ABCA9: variants seen among roughly 807,000 people sequenced by gnomAD.
ABCA9 encodes the protein ATP-binding cassette sub-family A member 9.
Under a neutral mutation model 205.3 loss-of-function variants are expected in ABCA9, and 183 were observed. The ratio of observed to expected loss-of-function variants is 0.89; its 90% confidence interval spans 0.79 to 1.01. The LOEUF is 1.01. ABCA9 is among the 50% of genes least tolerant of loss of function. The pLI is 0.00. For missense variants in ABCA9, 1,805 were observed against 1,912.4 expected, an observed-to-expected ratio of 0.94 and a Z score of 1.05; for synonymous variants, 651 against 683.3, an observed-to-expected ratio of 0.95 and a Z score of 0.74.
chr17:69,063,970 T>C (rs559907274), upstream of ABCA9, among the ~76,000 whole-genome samples: 7 of 152,378 alleles, frequency 4.6e-5, no homozygotes, highest in South Asian at 1.0e-3. Context: ...TGCCCTCCAC[T>C]TTCATTTGCA....
intron 30 of ABCA9, 42 bp from the exon 31 acceptor site, chr17:68,989,160 A>C (rs1489066147): frequency 1.3e-5 from 17 of 1,314,232 alleles, no homozygotes; most frequent in Non-Finnish European, 1.6e-5. Context: ...AAATAATTGC[A>C]ACAAAAATAA....
chr17:69,077,269 A>C, the ABCA9 span, among the ~76,000 whole-genome samples: 3 of 152,146 alleles, frequency 2.0e-5, no homozygotes, highest in African/African-American at 7.2e-5. Flanking sequence ...CATCATACCC[A>C]AAAGTCATTC....
At chr17:69,048,301 G>A (rs1329949521) in intron 3 of ABCA9, among the ~76,000 whole-genome samples, 1 of 152,176 alleles carries the variant, frequency 6.6e-6, no homozygotes, top group Non-Finnish European at 1.5e-5. Context: ...GGCTCAAAAG[G>A]CTTCAGATTT....
chr17:68,977,349 T>A (rs532461769), intron 37 of ABCA9, among the ~76,000 whole-genome samples: 8 of 152,150 alleles, frequency 5.3e-5, no homozygotes, highest in African/African-American at 1.9e-4. Context: ...GGCCAGCAAT[T>A]CTTCATTTCT....
intron 16 of ABCA9, among the ~76,000 whole-genome samples, chr17:69,025,503 G>A (rs1381887169): frequency 6.6e-6 from 1 of 152,108 alleles, no homozygotes; most frequent in African/African-American, 2.4e-5. Flanking sequence ...CATAGCTAGA[G>A]AATAGTGAGT....
At chr17:68,989,256 TCACACA>T (rs71293542) in intron 30 of ABCA9, 138 bp from the exon 31 acceptor site, 12,248 of 242,712 alleles carry the variant, frequency 0.05, 654 homozygotes, top group African/African-American at 0.17. Flanking sequence ...TCTCTCTCTC[TCACACA>T]CACACACACA....
Position 69,007,753 on chromosome 17 carries a change from AC to A in ABCA9, c.3435+5del. On this transcript the variant is annotated splice_donor_5th_base_variant and intron_variant, in intron 25 of 38. Transcript: ENST00000340001. ...GTAAAATAATAGGTAGTATATGCAT[AC>A]TCACAATTAAGAAGAAAAATGACCA... 6.6e-7 allele frequency: 1 copy of A among 1,511,174 alleles called. No individual in the cohort carries two copies. The highest frequency in any genetic ancestry group is 1.7e-4 in the Middle Eastern group (1 of 5,768). 93.6% of individuals were successfully genotyped at this position (1,511,174 alleles called of 1,614,324 possible). A position where few individuals can be genotyped will look rare whatever the true frequency, so the allele number is the denominator to read the frequency against.
intron 23 of ABCA9, among the ~76,000 whole-genome samples, chr17:69,010,395 A>G (rs922101611): frequency 1.3e-5 from 2 of 152,124 alleles, no homozygotes; most frequent in Non-Finnish European, 2.9e-5. Flanking sequence ...GAAATGGCCA[A>G]TGTAAAGGCC....
chr17:68,982,739 C>A lies in ABCA9; in HGVS notation c.4641-98G>T. ...GGGAAACAAGGCTAGGCATGGTGGC[C>A]CATGCCTGTAACCACTGCAATTTGG... is the stretch of plus-strand genomic sequence containing the variant. On this transcript the variant is annotated intron_variant, in intron 36 of 38. Transcript: ENST00000340001. 25 of 960,606 alleles carry A rather than the reference C, an allele frequency of 2.6e-5. No homozygotes were observed. The South Asian group carries it at 3.3e-4, about 13-fold the overall frequency. The allele number at this position is 960,606 out of a possible 1,614,324, so 59.5% of individuals were successfully genotyped here.
At chr17:68,992,083 A>G in intron 28 of ABCA9, 92 bp downstream of exon 28, 1 of 828,300 alleles carries the variant, frequency 1.2e-6, no homozygotes, top group Non-Finnish European at 1.8e-6. Context: ...CATCCTGTGA[A>G]GTGTCTTTTA....
chr17:69,011,977 T>C lies in ABCA9; in HGVS notation c.3146A>G (p.Lys1049Arg), dbSNP rs1372584497. Residue 1049 changes from lysine to arginine, a missense_variant and splice_region_variant, in exon 23 of 39, where the codon AAA (lysine) becomes AGA (arginine). By Grantham distance (26) the Lys-to-Arg change is conservative. Transcript: ENST00000340001. The part of the protein sequence containing the change: ...YIAMSSIGDY[K>R]KKAHSQLRIS... ...TGTGAAGACTTTAACTCTTCTTACT[T>C]TGTAGTCACCAATGCTGCTCATTGC... The C allele has an allele frequency of 6.2e-7, 1 of 1,606,252 alleles. No individual in the cohort carries two copies. Among genetic ancestry groups the C allele is most frequent in the Non-Finnish European group, 8.5e-7 (1 of 1,175,970 alleles).
chr17:69,077,620 C>A, the ABCA9 span, among the ~76,000 whole-genome samples: 7 of 152,136 alleles, frequency 4.6e-5, no homozygotes, highest in Admixed American at 1.3e-4. Context: ...TTTCCTACTA[C>A]CATTGTTTGG....
intron 6 of ABCA9, among the ~76,000 whole-genome samples, chr17:69,037,589 A>C (rs2071387202): frequency 1.3e-5 from 2 of 152,182 alleles, no homozygotes; most frequent in African/African-American, 4.8e-5. Context: ...AATTAATAGC[A>C]CTAAATGCCC....
At chr17:68,989,479 A>C (rs915597482) in intron 30 of ABCA9, among the ~76,000 whole-genome samples, 1 of 152,178 alleles carries the variant, frequency 6.6e-6, no homozygotes, top group Non-Finnish European at 1.5e-5. Flanking sequence ...GGGGGAATGG[A>C]GAAAGCACTG....
At chr17:69,006,183 A>G (rs1202601074) in intron 25 of ABCA9, among the ~76,000 whole-genome samples, 1 of 152,168 alleles carries the variant, frequency 6.6e-6, no homozygotes, top group East Asian at 1.9e-4. Context: ...TGGAATTCTC[A>G]TACTCTGTGG....
chr17:69,053,895 A>T (rs894972707), intron 1 of ABCA9, among the ~76,000 whole-genome samples: 1 of 152,188 alleles, frequency 6.6e-6, no homozygotes, highest in African/African-American at 2.4e-5. Context: ...TTTTCAAACT[A>T]CAGAAAATCA....
rs200637621 is a variant in ABCA9, at chr17:68,992,180, C to A, written c.3711G>T (p.Val1237=). ...TTCGATTTGATTTTCTCAACCTGAA[C>A]ACAGGATCCTTTCTCATTAGTTTCT... ...CRKKLMRKDP[V]FRISPRSNAI... Residue 1237 remains valine, a synonymous_variant, in exon 28 of 39, where the codon GTG becomes GTT. Transcript: ENST00000340001. 67 of 1,577,792 alleles carry A rather than the reference C, an allele frequency of 4.2e-5. No homozygotes were observed. The highest frequency in any genetic ancestry group is 1.3e-4 in the Admixed American group (7 of 55,378).
rs777863279 is a variant in ABCA9 at position 69,032,208 on chromosome 17, C to T, written c.1345G>A (p.Ala449Thr). ...KSCFWFQHGR[A>T]NHVVLENETD... ...TCATTCTCAAGGACCACATGATTAG[C>T]CCTTCCGTGTTGAAACCAAAAACAG... Residue 449 changes from alanine (A) to threonine (T), a missense_variant, in exon 10 of 39, where the codon GCT becomes ACT. By Grantham distance (58) the Ala-to-Thr change is moderately conservative. Coordinates refer to ENST00000340001, the MANE Select transcript of ABCA9 (RefSeq NM_080283.4). 22 of 1,613,850 alleles carry T rather than the reference C, an allele frequency of 1.4e-5. No homozygotes were observed. Among genetic ancestry groups the T allele is most frequent in the Non-Finnish European group, 1.9e-5 (22 of 1,179,908 alleles).
chr17:69,063,877 T>C (rs2072314461), upstream of ABCA9, among the ~76,000 whole-genome samples: 2 of 152,224 alleles, frequency 1.3e-5, no homozygotes, highest in Non-Finnish European at 2.9e-5. Flanking sequence ...TGGCCCTCTT[T>C]GTTTCTTAAA....
Sources: gnomAD v4.1 joint callset for allele counts (sites outside exome capture counted in the v4.1 genomes callset) on GRCh38, gnomAD v4.1.1 for gene constraint, MANE v1.5 for transcripts, NCBI Gene and HGNC (gene_info 2026-07-23, HGNC 2026-07-21) for gene names.